The following RAB39A variants were observed in gnomAD, a reference collection of about 807,000 sequenced individuals.
The protein encoded by RAB39A is RAB39A, member RAS oncogene family, also known as ras-related protein Rab-39A.
RAB39A carries 17 observed loss-of-function variants against 20.9 expected under a neutral mutation model. The observed-to-expected ratio is 0.81, with a 90% CI of 0.56 to 1.22. The LOEUF is 1.22. Among genes scored for constraint, RAB39A ranks in the 50% most tolerant of loss-of-function variants. RAB39A has a pLI of 0.00. For missense variants in RAB39A, 234 were observed against 270.5 expected, an observed-to-expected ratio of 0.87 and a Z score of 0.95; for synonymous variants, 99 against 103.4, an observed-to-expected ratio of 0.96 and a Z score of 0.26.
chr11:107,928,509 C>T lies in RAB39A; in HGVS notation c.-60C>T. ...CCCGCGAGGTGCTGAAAGGACAGTT[C>T]CCGCCGCCGAACTTAGCCCGCGGGT... On this transcript the variant is annotated 5_prime_UTR_variant, in exon 1 of 2. Transcript: ENST00000320578. This position sits in a 1 kb window ranked among gnomAD's most constrained non-coding sequence, Gnocchi z 4.9. 7.6e-7 allele frequency: 1 copy of T among 1,317,748 alleles called. No homozygotes were observed. The highest frequency in any genetic ancestry group is 1.0e-6 in the Non-Finnish European group (1 of 994,866). The allele number at this position is 1,317,748 out of a possible 1,614,324, so 81.6% of individuals were successfully genotyped here.
chr11:107,953,662 G>T (rs1861404875), intron 1 of RAB39A, among the ~76,000 whole-genome samples: 1 of 152,134 alleles, frequency 6.6e-6, no homozygotes, highest in African/African-American at 2.4e-5. Context: ...GGGATTAGAT[G>T]CAACAAAAAA....
chr11:107,952,614 ACT>A (rs1401284606), intron 1 of RAB39A, among the ~76,000 whole-genome samples: 1 of 150,192 alleles, frequency 6.7e-6, no homozygotes, highest in African/African-American at 2.5e-5. Flanking sequence ...AGGTGCTGTG[ACT>A]CACACCTGTA....
At position 107,948,772 on chromosome 11, in the gene RAB39A, T is replaced by C. The variant is rs1861344626; in HGVS notation, c.228-13174T>C. Among the ~76,000 whole-genome samples the C allele has an allele frequency of 1.3e-5, 2 of 152,158 alleles. 1 individual carries two copies. Among genetic ancestry groups the C allele is most frequent in the South Asian group, 4.1e-4 (2 of 4,830 alleles). ...GTGTTTTTATAAGTTATCTGTATAC[T>C]TACCACACATCCTCACTTTTCCTGT... On this transcript the variant is annotated intron_variant, in intron 1 of 1. Transcript: ENST00000320578.
chr11:107,935,878 G>A (rs1036007168), intron 1 of RAB39A, among the ~76,000 whole-genome samples: 9 of 147,754 alleles, frequency 6.1e-5, no homozygotes, highest in Non-Finnish European at 1.3e-4. Context: ...TCTGGGGAAC[G>A]CAGCCCAGCA....
In RAB39A at chr11:107,954,987, CTTTTTTT is replaced by C. The variant is rs60838211; in HGVS notation, c.228-6938_228-6932del. ...AATAGTATTTGACAAAGAAAGCATG[CTTTTTTT>C]TTTTTTTTTTTTTTTTTTTTGAGAC... On this transcript the variant is annotated intron_variant, in intron 1 of 1. Coordinates refer to ENST00000320578, the MANE Select transcript of RAB39A (RefSeq NM_017516.3). 1.1e-4 allele frequency among the ~76,000 whole-genome samples: 6 copies of C among 54,894 alleles called. No homozygotes were observed. In the South Asian group the frequency reaches 3.9e-3, roughly 36 times the overall value. The allele number at this position is 54,894 out of a possible 152,430, so 36.0% of individuals were successfully genotyped here. A position where few individuals can be genotyped will look rare whatever the true frequency, so the allele number is the denominator to read the frequency against.
intron 1 of RAB39A, among the ~76,000 whole-genome samples, chr11:107,943,570 C>CAAA (rs1306320458): frequency 1.8e-5 from 1 of 56,536 alleles, no homozygotes. Context: ...GACTCCGTCT[C>CAAA]AAAAAAAAAA....
At chr11:107,938,849 T>C (rs958760959) in intron 1 of RAB39A, among the ~76,000 whole-genome samples, 1 of 152,206 alleles carries the variant, frequency 6.6e-6, no homozygotes, top group Non-Finnish European at 1.5e-5. Context: ...AGCCAGACAT[T>C]TGAAAACCTG....
intron 1 of RAB39A, among the ~76,000 whole-genome samples, chr11:107,959,354 A>C (rs1448171184): frequency 6.6e-6 from 1 of 152,218 alleles, no homozygotes; most frequent in Non-Finnish European, 1.5e-5. Context: ...CTCTTAAGAC[A>C]CTGCACATCT....
intron 1 of RAB39A, among the ~76,000 whole-genome samples, chr11:107,951,974 C>T (rs1312458491): frequency 2.0e-5 from 3 of 152,166 alleles, no homozygotes; most frequent in African/African-American, 4.8e-5. Context: ...AGATCATTCA[C>T]ACTTGATTGC....
intron 1 of RAB39A, among the ~76,000 whole-genome samples, chr11:107,955,391 A>AG (rs1383245451): frequency 6.6e-6 from 1 of 152,118 alleles, no homozygotes; most frequent in South Asian, 2.1e-4. Flanking sequence ...GAGGTACTTC[A>AG]GGCAGGCACC....
At chr11:107,940,016 T>C (rs1861243644) in intron 1 of RAB39A, among the ~76,000 whole-genome samples, 1 of 152,180 alleles carries the variant, frequency 6.6e-6, no homozygotes, top group African/African-American at 2.4e-5. Flanking sequence ...ATAATTTACC[T>C]TCCATAGCAA....
In RAB39A at chr11:107,962,505, G is replaced by A. The variant is rs1861509377; in HGVS notation, c.*133G>A. 5.8e-6 allele frequency: 5 copies of A among 862,678 alleles called. No homozygotes were observed. In the South Asian group the frequency reaches 1.2e-4, roughly 20 times the overall value. The allele number at this position is 862,678 out of a possible 1,614,324, so 53.4% of individuals were successfully genotyped here. On this transcript the variant is annotated 3_prime_UTR_variant, in exon 2 of 2. Coordinates refer to ENST00000320578, the MANE Select transcript of RAB39A (RefSeq NM_017516.3). ...ACCCACACCAATACTATTTTATAAG[G>A]TATTTGATTCAGAGCATGATGCTTA... is the stretch of plus-strand genomic sequence containing the variant.
chr11:107,934,477 G>A (rs1861172461), intron 1 of RAB39A, among the ~76,000 whole-genome samples: 1 of 152,096 alleles, frequency 6.6e-6, no homozygotes, highest in African/African-American at 2.4e-5. Flanking sequence ...GTGCTCTAAG[G>A]AGTATAATTT....
chr11:107,949,592 A>G (rs1861354208), intron 1 of RAB39A, among the ~76,000 whole-genome samples: 1 of 152,190 alleles, frequency 6.6e-6, no homozygotes, highest in Non-Finnish European at 1.5e-5. Flanking sequence ...ATATAAAATA[A>G]TATTGAGAAG....
At chr11:107,949,122 A>G (rs988966538) in intron 1 of RAB39A, among the ~76,000 whole-genome samples, 1 of 151,924 alleles carries the variant, frequency 6.6e-6, no homozygotes, top group Non-Finnish European at 1.5e-5. Flanking sequence ...GGAGTTTGAG[A>G]CTAGCCTGGG....
chr11:107,937,539 A>T (rs1292033003), intron 1 of RAB39A, among the ~76,000 whole-genome samples: 4 of 142,772 alleles, frequency 2.8e-5, no homozygotes, highest in Admixed American at 2.1e-4. Context: ...AATTATTACT[A>T]TTTTTTTTTT....
At chr11:107,935,900 C>CTTTTTTTTTTTTTTTTTTTTTTTTTT in intron 1 of RAB39A, among the ~76,000 whole-genome samples, 1 of 81,610 alleles carries the variant, frequency 1.2e-5, no homozygotes, top group Non-Finnish European at 2.4e-5. Context: ...GTCCTGGCCA[C>CTTTTTTTTTTTTTTTTTTTTTTTTTT]TTTTTTTTTT....
chr11:107,934,929 CAAAAA>C (rs55682157), intron 1 of RAB39A, among the ~76,000 whole-genome samples: 1 of 101,638 alleles, frequency 9.8e-6, no homozygotes, highest in African/African-American at 3.8e-5. Context: ...GACTTCGTCT[CAAAAA>C]AAAAAAAAAA....
chr11:107,962,551 G>A lies in RAB39A; in HGVS notation c.*179G>A. 1.9e-6 allele frequency: 1 copy of A among 532,478 alleles called. No homozygotes were observed. Among genetic ancestry groups the A allele is most frequent in the Non-Finnish European group, 3.1e-6 (1 of 326,686 alleles). The allele number at this position is 532,478 out of a possible 1,614,324, so 33.0% of individuals were successfully genotyped here. On this transcript the variant is annotated 3_prime_UTR_variant, in exon 2 of 2. Transcript: ENST00000320578. ...GCTTACTTGTTACACTACTAGATTG[G>A]GTATTTTGCTAAATTACCAAGCAAA...
Sources: allele counts gnomAD v4.1 joint callset (sites outside exome capture counted in the v4.1 genomes callset), GRCh38; gene constraint gnomAD v4.1.1; non-coding constraint Gnocchi (gnomAD v3.1); transcripts MANE v1.5; gene names NCBI Gene and HGNC (gene_info 2026-07-23, HGNC 2026-07-21).